RIMS1: variants seen among roughly 807,000 people sequenced by gnomAD.
The protein encoded by RIMS1 is regulating synaptic membrane exocytosis protein 1.
A neutral mutation model predicts 214.1 loss-of-function variants in RIMS1; 83 were observed. That is an observed-to-expected ratio of 0.39 (90% CI 0.32 to 0.47). The LOEUF is 0.47. RIMS1 is among the 20% of genes least tolerant of loss of function. RIMS1 has a pLI of 0.99. For synonymous variants in RIMS1, 793 were observed against 786.8 expected, an observed-to-expected ratio of 1.01 and a Z score of -0.13; for missense variants, 2,050 against 2,161.8, an observed-to-expected ratio of 0.95 and a Z score of 1.03.
chr6:72,232,366 G>A (rs1341378607), intron 6 of RIMS1, among the ~76,000 whole-genome samples: 1 of 151,534 alleles, frequency 6.6e-6, no homozygotes, highest in African/African-American at 2.4e-5. Flanking sequence ...ACTAAAGAGA[G>A]AGCTACTTTA....
At chr6:72,161,032 G>C (rs1297498628) in intron 4 of RIMS1, among the ~76,000 whole-genome samples, 2 of 138,644 alleles carry the variant, frequency 1.4e-5, no homozygotes, top group Non-Finnish European at 3.3e-5. Flanking sequence ...TTTTTTGGTT[G>C]GTAGGCAATT....
intron 1 of RIMS1, among the ~76,000 whole-genome samples, chr6:71,958,995 G>A (rs189979248): frequency 7.9e-5 from 12 of 152,124 alleles, no homozygotes; most frequent in African/African-American, 2.2e-4. Flanking sequence ...TCATATTCCA[G>A]TATTAAAGTT....
chr6:71,929,797 G>A (rs1782531037), intron 1 of RIMS1, among the ~76,000 whole-genome samples: 1 of 151,932 alleles, frequency 6.6e-6, no homozygotes, highest in African/African-American at 2.4e-5. Flanking sequence ...AAAATTAATG[G>A]GACTGGCATC....
At chr6:71,905,720 C>T (rs1775060346) in intron 1 of RIMS1, among the ~76,000 whole-genome samples, 1 of 152,058 alleles carries the variant, frequency 6.6e-6, no homozygotes, top group Admixed American at 6.6e-5. Context: ...CAGTGGTTTC[C>T]ACACTGTGTC....
chr6:72,342,014 A>G (rs982375604), intron 29 of RIMS1, among the ~76,000 whole-genome samples: 1 of 151,800 alleles, frequency 6.6e-6, no homozygotes, highest in Non-Finnish European at 1.5e-5. Context: ...AATCACTTGT[A>G]TGCTTCTTTA....
chr6:72,182,294 C>G lies in RIMS1; in HGVS notation c.823C>G (p.Pro275Ala). ...SEPPRERKKT[P>A]GLSEQNGKGA... The stretch of plus-strand genomic sequence containing the variant: ...CTTTGTATATCATAGAAAGAAGACC[C>G]CAGGGCTTTCCGAGCAGAATGGCAA... The change falls in exon 6 of 34, where the codon CCA becomes GCA. Residue 275 changes from proline (P) to alanine (A), a missense_variant. Pro to Ala is a conservative substitution (Grantham distance 27). This residue lies in a region of RIMS1 where 882 missense variants were observed against 828.9 expected (regional missense o/e 1.06). Transcript: ENST00000521978. 2 of 1,593,204 alleles carry G rather than the reference C, an allele frequency of 1.3e-6. No homozygotes were observed. Among genetic ancestry groups the G allele is most frequent in the Non-Finnish European group, 1.7e-6 (2 of 1,171,300 alleles).
chr6:72,152,045 A>G (rs747477420), intron 4 of RIMS1, among the ~76,000 whole-genome samples: 4 of 152,118 alleles, frequency 2.6e-5, no homozygotes, highest in Non-Finnish European at 5.9e-5. Flanking sequence ...TACCATGAGA[A>G]TGGCACCAAG....
chr6:72,042,425 T>G (rs1356570270), intron 2 of RIMS1, among the ~76,000 whole-genome samples: 3 of 151,910 alleles, frequency 2.0e-5, no homozygotes, highest in Non-Finnish European at 4.4e-5. Context: ...GTTATAAAAA[T>G]TAGTCCCAAT....
chr6:72,017,208 A>T (rs1216500903), intron 2 of RIMS1, among the ~76,000 whole-genome samples: 2 of 152,200 alleles, frequency 1.3e-5, no homozygotes, highest in Non-Finnish European at 2.9e-5. Context: ...TCCCTGCTCT[A>T]TCTTAATATT....
intron 1 of RIMS1, among the ~76,000 whole-genome samples, chr6:71,962,248 T>G (rs1412720213): frequency 6.6e-6 from 1 of 152,188 alleles, no homozygotes; most frequent in Admixed American, 6.5e-5. Context: ...TAAAATCTCT[T>G]ATTAATCTTT....
intron 1 of RIMS1, among the ~76,000 whole-genome samples, chr6:71,906,092 C>T (rs960140278): frequency 6.6e-6 from 1 of 152,060 alleles, no homozygotes; most frequent in African/African-American, 2.4e-5. Flanking sequence ...TTCAGTCTGG[C>T]CTGAAGTGAC....
At chr6:72,365,253 G>T (rs1204335892) in intron 29 of RIMS1, among the ~76,000 whole-genome samples, 1 of 152,188 alleles carries the variant, frequency 6.6e-6, no homozygotes, top group Admixed American at 6.5e-5. Context: ...TCTCTTCCCT[G>T]CTGGGGTCCT....
At chr6:72,399,129 A>G (rs773446849) in intron 33 of RIMS1, 35 bp downstream of exon 33, 2 of 1,546,768 alleles carry the variant, frequency 1.3e-6, no homozygotes. Context: ...TTACATTGAA[A>G]TGTCTGTTTT....
intron 6 of RIMS1, among the ~76,000 whole-genome samples, chr6:72,227,445 G>A (rs1456601266): frequency 2.0e-5 from 3 of 151,560 alleles, no homozygotes; most frequent in African/African-American, 7.3e-5. Flanking sequence ...TACCTTCTGA[G>A]TCGAATGACT....
At chr6:72,068,780 G>A (rs1377071193) in intron 2 of RIMS1, among the ~76,000 whole-genome samples, 6 of 151,914 alleles carry the variant, frequency 3.9e-5, no homozygotes, top group Admixed American at 2.6e-4. Flanking sequence ...GCGTGGTGGC[G>A]GGCGCCTGTA....
At chr6:72,114,316 T>C (rs916268357) in intron 4 of RIMS1, among the ~76,000 whole-genome samples, 1 of 152,026 alleles carries the variant, frequency 6.6e-6, no homozygotes, top group Non-Finnish European at 1.5e-5. Flanking sequence ...TCGTATTAGT[T>C]ATTACAGGCA....
intron 2 of RIMS1, among the ~76,000 whole-genome samples, chr6:72,077,424 AATT>A (rs1358139880): frequency 6.6e-6 from 1 of 152,222 alleles, no homozygotes; most frequent in Non-Finnish European, 1.5e-5. Flanking sequence ...GTAGATGATC[AATT>A]ATTATGTGTT....
chr6:72,175,776 C>T (rs79695924), intron 4 of RIMS1, among the ~76,000 whole-genome samples: 1,746 of 152,038 alleles, frequency 0.011, 11 homozygotes, highest in Non-Finnish European at 0.018. Flanking sequence ...TCTGTGTGTC[C>T]GGCTCTGTAA....
At position 71,952,428 on chromosome 6, in the gene RIMS1, T is replaced by A. The variant is rs1789926262; in HGVS notation, c.165-16555T>A. Among the ~76,000 whole-genome samples, 8 of 152,354 alleles carry A rather than the reference T, an allele frequency of 5.3e-5. No individual in the cohort carries two copies. In the South Asian group the frequency reaches 1.4e-3, roughly 28 times the overall value. On this transcript the variant is annotated intron_variant, in intron 1 of 33. Transcript: ENST00000521978. ...GTAATGAATAAAACAAAGTCCTGTC[T>A]ATCACAGAGACTCTAATCATTCTCA...
Sources: gnomAD v4.1 joint callset for allele counts (sites outside exome capture counted in the v4.1 genomes callset) on GRCh38, gnomAD v4.1.1 for gene constraint, gnomAD v4.1.1 regional missense constraint, MANE v1.5 for transcripts, NCBI Gene and HGNC (gene_info 2026-07-23, HGNC 2026-07-21) for gene names.